Variants in RSPO3 observed in about 807,000 individuals in gnomAD.
RSPO3 encodes R-spondin 3.
RSPO3 carries 17 observed loss-of-function variants against 36.5 expected under a neutral mutation model. The observed-to-expected ratio is 0.47, with a 90% CI of 0.32 to 0.70. The LOEUF is 0.70. Among genes scored for constraint, RSPO3 ranks in the 30% least tolerant of loss-of-function variants. RSPO3 has a pLI of 0.04. For synonymous variants in RSPO3, 108 were observed against 107.0 expected (o/e 1.01, Z -0.06); for missense variants, 294 against 322.5 (o/e 0.91, Z 0.68).
At chr6:127,148,603 C>A in intron 1 of RSPO3, 45 bp from the exon 2 acceptor site, 2 of 1,471,742 alleles carry the variant, frequency 1.4e-6, no homozygotes, top group Non-Finnish European at 1.9e-6. Context: ...ATTTTTTTAT[C>A]TGTGATTTAA....
intron 4 of RSPO3, among the ~76,000 whole-genome samples, chr6:127,166,287 A>G (rs182877235): frequency 6.6e-6 from 1 of 152,072 alleles, no homozygotes; most frequent in African/African-American, 2.4e-5. Context: ...CCATTCTGCT[A>G]TTGATGGATT....
At chr6:127,160,146 G>C (rs969776354) in intron 4 of RSPO3, among the ~76,000 whole-genome samples, 1 of 152,026 alleles carries the variant, frequency 6.6e-6, no homozygotes, top group Non-Finnish European at 1.5e-5. Flanking sequence ...GGTCGTAAAT[G>C]GTCAAATGTA....
intron 4 of RSPO3, among the ~76,000 whole-genome samples, chr6:127,165,700 CTG>C (rs1261334942): frequency 2.6e-5 from 4 of 151,988 alleles, no homozygotes; most frequent in Admixed American, 6.6e-5. Flanking sequence ...CATAGAATAA[CTG>C]TTTCTTCTCA....
chr6:127,174,345 G>C (rs980351696), intron 4 of RSPO3, among the ~76,000 whole-genome samples: 3 of 151,790 alleles, frequency 2.0e-5, no homozygotes, highest in Non-Finnish European at 4.4e-5. Flanking sequence ...ATTCAAGGTT[G>C]GCCTAATAGA....
At chr6:127,161,454 A>G (rs144028684) in intron 4 of RSPO3, among the ~76,000 whole-genome samples, 1 of 152,226 alleles carries the variant, frequency 6.6e-6, no homozygotes, top group Non-Finnish European at 1.5e-5. Flanking sequence ...AGCAGTTACT[A>G]CCTCTTACAA....
At position 127,155,359 on chromosome 6, in the gene RSPO3, A is replaced by G; in HGVS notation, c.555A>G (p.Ala185=). 6.2e-7 allele frequency: 1 copy of G among 1,613,954 alleles called. No homozygotes were observed. Among genetic ancestry groups the G allele is most frequent in the Non-Finnish European group, 8.5e-7 (1 of 1,179,914 alleles). The change falls in exon 4 of 5, where the codon GCA becomes GCG. Residue 185 remains alanine (A), a synonymous_variant. Coordinates refer to ENST00000356698, the MANE Select transcript of RSPO3 (RefSeq NM_032784.5). Reference sequence around the variant, plus strand: ...GAGAAATAATACAGCATCCTTCAGCAAAGGGTAACCTGTGTCCCCCAACAA... The same window carrying G: ...GAGAAATAATACAGCATCCTTCAGCGAAGGGTAACCTGTGTCCCCCAACAA... ...RVREIIQHPS[A]KGNLCPPTNE... is the part of the protein sequence containing the mutation.
chr6:127,167,665 G>A (rs547759121), intron 4 of RSPO3, among the ~76,000 whole-genome samples: 1 of 151,954 alleles, frequency 6.6e-6, no homozygotes, highest in South Asian at 2.1e-4. Context: ...CAACATGCAG[G>A]TTTGTTACAT....
At position 127,197,427 on chromosome 6, in the gene RSPO3, G is replaced by A; in HGVS notation, c.*1420G>A. The A allele has an allele frequency of 1.3e-6, 2 of 1,550,424 alleles. No homozygotes were observed. Among genetic ancestry groups the A allele is most frequent in the Non-Finnish European group, 1.7e-6 (2 of 1,146,942 alleles). On this transcript the variant is annotated 3_prime_UTR_variant, in exon 5 of 5. Transcript: ENST00000356698. ...TTTTCTATCTGTGGATCTCTTTAGGGGATTGAAGTCACCCTAGCTGAAGGC... is the reference window on the plus strand; with the variant it reads ...TTTTCTATCTGTGGATCTCTTTAGGAGATTGAAGTCACCCTAGCTGAAGGC...
At chr6:127,131,177 T>C (rs1019144707) in intron 1 of RSPO3, among the ~76,000 whole-genome samples, 4 of 152,074 alleles carry the variant, frequency 2.6e-5, no homozygotes, top group African/African-American at 9.7e-5. Flanking sequence ...CCTAGTACAA[T>C]CAATAACATT....
chr6:127,127,973 A>C (rs2114542676), intron 1 of RSPO3, among the ~76,000 whole-genome samples: 1 of 152,186 alleles, frequency 6.6e-6, no homozygotes, highest in East Asian at 1.9e-4. Flanking sequence ...AGTTTTAAAC[A>C]TAAAAGTTTG....
Position 127,150,408 on chromosome 6 carries a change from T to C in RSPO3, c.290-18T>C, listed in dbSNP as rs1239355685. 6 of 1,605,662 alleles carry C rather than the reference T, an allele frequency of 3.7e-6. No individual in the cohort carries two copies. The highest frequency in any genetic ancestry group is 4.2e-6 in the Non-Finnish European group (5 of 1,176,782). ...GAGAACATAATGCAAGCATATTTCT[T>C]TCTTTTTTCTCTTTCAGAATGCAAA... is the stretch of plus-strand genomic sequence containing the variant. On this transcript the variant is annotated intron_variant, in intron 2 of 4. Transcript: ENST00000356698.
chr6:127,167,318 C>T (rs577115513), intron 4 of RSPO3, among the ~76,000 whole-genome samples: 20 of 151,910 alleles, frequency 1.3e-4, no homozygotes, highest in African/African-American at 4.6e-4. Flanking sequence ...GTTGTTTTCC[C>T]TCGTGTGTCC....
intron 3 of RSPO3, among the ~76,000 whole-genome samples, chr6:127,153,066 T>C (rs1160942862): frequency 6.6e-6 from 1 of 152,126 alleles, no homozygotes; most frequent in African/African-American, 2.4e-5. Context: ...TTTTACAGCA[T>C]CTTGCACTGA....
In RSPO3 at chr6:127,198,068, C is replaced by A. The variant is rs1299908434; in HGVS notation, c.*2061C>A. On this transcript the variant is annotated 3_prime_UTR_variant, in exon 5 of 5. Transcript: ENST00000356698. ...CTCATGTCTTCATTTATTCAACAAGCACTTACTGGGAAGGTCTACACCTGC... is the reference window on the plus strand; with the variant it reads ...CTCATGTCTTCATTTATTCAACAAGAACTTACTGGGAAGGTCTACACCTGC... Among the ~76,000 whole-genome samples, 2 of 152,178 alleles carry A rather than the reference C, an allele frequency of 1.3e-5. No individual in the cohort carries two copies. Among genetic ancestry groups the A allele is most frequent in the East Asian group, 1.9e-4 (1 of 5,176 alleles).
chr6:127,150,056 C>T (rs888981639), intron 2 of RSPO3, among the ~76,000 whole-genome samples: 26 of 152,030 alleles, frequency 1.7e-4, no homozygotes, highest in African/African-American at 5.8e-4. Flanking sequence ...CAATAGCCCT[C>T]AAGAACAACA....
intron 1 of RSPO3, among the ~76,000 whole-genome samples, chr6:127,139,612 T>TA (rs1372090587): frequency 1.1e-4 from 16 of 150,976 alleles, no homozygotes; most frequent in Admixed American, 5.3e-4. Flanking sequence ...TTTCTAACCT[T>TA]AAAAAAAAAT....
At chr6:127,152,666 A>C (rs1774513663) in intron 3 of RSPO3, among the ~76,000 whole-genome samples, 1 of 152,124 alleles carries the variant, frequency 6.6e-6, no homozygotes, top group Non-Finnish European at 1.5e-5. Context: ...GAAAGGTCAT[A>C]AACAGAGGAA....
chr6:127,187,076 A>G (rs1276422225), intron 4 of RSPO3, among the ~76,000 whole-genome samples: 1 of 152,182 alleles, frequency 6.6e-6, no homozygotes, highest in Non-Finnish European at 1.5e-5. Context: ...GAGATGGAAG[A>G]TGGTGGTTGA....
intron 4 of RSPO3, among the ~76,000 whole-genome samples, chr6:127,180,665 C>A (rs1397423379): frequency 6.6e-6 from 1 of 151,796 alleles, no homozygotes; most frequent in East Asian, 1.9e-4. Flanking sequence ...CATCAAACAT[C>A]TTAAAGGAAT....
Sources: allele counts gnomAD v4.1 joint callset (sites outside exome capture counted in the v4.1 genomes callset), GRCh38; gene constraint gnomAD v4.1.1; transcripts MANE v1.5; gene names NCBI Gene and HGNC (gene_info 2026-07-23, HGNC 2026-07-21).